IGF2BP3: variants seen among roughly 807,000 people sequenced by gnomAD.
The protein encoded by IGF2BP3 is insulin like growth factor 2 mRNA binding protein 3.
Under a neutral mutation model 73.8 loss-of-function variants are expected in IGF2BP3, and 9 were observed. That is an observed-to-expected ratio of 0.12 (90% CI 0.07 to 0.21). The LOEUF (loss-of-function observed/expected upper bound fraction) is 0.21, where lower values mean the gene tolerates loss of function less well. Ranked by LOEUF, IGF2BP3 falls within the 10% of genes least tolerant of loss-of-function variation. IGF2BP3 has a pLI of 1.00. For synonymous variants in IGF2BP3, 258 were observed against 256.7 expected, an observed-to-expected ratio of 1.01 and a Z score of -0.05; for missense variants, 542 against 714.0, an observed-to-expected ratio of 0.76 and a Z score of 2.75.
In IGF2BP3 at chr7:23,469,204, C is replaced by G. The variant is rs1327602361; in HGVS notation, c.176-662G>C. The G allele has an allele frequency of 6.6e-6, 1 of 152,534 alleles. No individual in the cohort carries two copies. The highest frequency in any genetic ancestry group is 1.5e-5 in the Non-Finnish European group (1 of 68,280). 9.4% of individuals were successfully genotyped at this position (152,534 alleles called of 1,614,324 possible). ...TTCCCCCTGGGCGTCCTGCTCCGCCCGGCACCGTCCCTCGCCCTGGCGGAG... is the reference window on the plus strand; with the variant it reads ...TTCCCCCTGGGCGTCCTGCTCCGCCGGGCACCGTCCCTCGCCCTGGCGGAG... On this transcript the variant is annotated intron_variant, in intron 1 of 14. Transcript: ENST00000258729. This position sits in a 1 kb window ranked among gnomAD's most constrained non-coding sequence, Gnocchi z 6.1.
intron 2 of IGF2BP3, among the ~76,000 whole-genome samples, chr7:23,465,569 A>G (rs1477539105): frequency 6.6e-6 from 1 of 152,118 alleles, no homozygotes; most frequent in African/African-American, 2.4e-5. Flanking sequence ...CAGCCTGCCA[A>G]GCCTCCAATC....
Position 23,455,639 on chromosome 7 carries a change from G to A in IGF2BP3, c.236+12843C>T, listed in dbSNP as rs144913622. 6.9e-3 allele frequency among the ~76,000 whole-genome samples: 1,045 copies of A among 152,282 alleles called. 9 individuals carry two copies. Among genetic ancestry groups the A allele is most frequent in the African/African-American group, 0.024 (1,007 of 41,544 alleles). ...AGACTGTCACCCAGGAAATCAGACAGAACAAAGTGAAAGCCACTGTACTCC... is the reference window on the plus strand; with the variant it reads ...AGACTGTCACCCAGGAAATCAGACAAAACAAAGTGAAAGCCACTGTACTCC... On this transcript the variant is annotated intron_variant, in intron 2 of 14. Transcript: ENST00000258729.
At chr7:23,336,713 C>T (rs575744074) in intron 10 of IGF2BP3, among the ~76,000 whole-genome samples, 3 of 152,120 alleles carry the variant, frequency 2.0e-5, no homozygotes, top group East Asian at 3.9e-4. Flanking sequence ...TTTGGGAGGC[C>T]GAGATGGGTG....
At chr7:23,449,371 G>T (rs1320988141) in intron 2 of IGF2BP3, among the ~76,000 whole-genome samples, 1 of 151,612 alleles carries the variant, frequency 6.6e-6, no homozygotes, top group East Asian at 2.0e-4. Context: ...CAAAAAATTA[G>T]CCGGGTGTGG....
chr7:23,437,715 G>T (rs1787838367), intron 2 of IGF2BP3, among the ~76,000 whole-genome samples: 1 of 152,004 alleles, frequency 6.6e-6, no homozygotes, highest in Non-Finnish European at 1.5e-5. Context: ...TGCCACAACT[G>T]CAATTTAACA....
chr7:23,418,305 C>A (rs754843142), intron 3 of IGF2BP3, among the ~76,000 whole-genome samples: 7 of 152,186 alleles, frequency 4.6e-5, no homozygotes, highest in African/African-American at 1.4e-4. Flanking sequence ...CTGACACAGG[C>A]TATTCAATTG....
chr7:23,450,456 T>G (rs867864411), intron 2 of IGF2BP3, among the ~76,000 whole-genome samples: 4 of 152,320 alleles, frequency 2.6e-5, no homozygotes, highest in Middle Eastern at 6.8e-3. Flanking sequence ...ATGACTAAAT[T>G]TGAGCTTTTA....
At chr7:23,383,320 T>C (rs190532710) in intron 3 of IGF2BP3, among the ~76,000 whole-genome samples, 1 of 152,118 alleles carries the variant, frequency 6.6e-6, no homozygotes, top group Non-Finnish European at 1.5e-5. Flanking sequence ...ATTGGAAAAA[T>C]GTCTACTCAG....
intron 3 of IGF2BP3, among the ~76,000 whole-genome samples, chr7:23,409,644 C>T (rs74720590): frequency 6.6e-6 from 1 of 152,082 alleles, no homozygotes; most frequent in Non-Finnish European, 1.5e-5. Flanking sequence ...GGAAAAGGAA[C>T]AATATTTTCA....
At chr7:23,447,297 A>T (rs150391695) in intron 2 of IGF2BP3, among the ~76,000 whole-genome samples, 1 of 151,942 alleles carries the variant, frequency 6.6e-6, no homozygotes, top group East Asian at 1.9e-4. Context: ...ACAAACAAAA[A>T]ACTAGCTTAT....
At position 23,312,363 on chromosome 7, in the gene IGF2BP3, T is replaced by C. The variant is rs370780598; in HGVS notation, c.1739A>G (p.Ter580=). 1.4e-5 allele frequency: 23 copies of C among 1,608,868 alleles called. No individual in the cohort carries two copies. Among genetic ancestry groups the C allele is most frequent in the Non-Finnish European group, 2.0e-5 (23 of 1,176,608 alleles). ...TGTGGTGGGCTGTTTCCTGAGCCTT[T>C]ACTTCCGTCTTGACTGAGGTGGTCC... ...QSGPPQSRRK[*] is the part of the protein sequence containing the mutation. Residue 580 remains the stop codon, a stop_retained_variant, in exon 15 of 15, where the codon TAA becomes TGA. Transcript: ENST00000258729.
At chr7:23,399,727 T>C (rs1362360910) in intron 3 of IGF2BP3, among the ~76,000 whole-genome samples, 1 of 152,196 alleles carries the variant, frequency 6.6e-6, no homozygotes, top group Non-Finnish European at 1.5e-5. Flanking sequence ...TGCTCTAAAA[T>C]AATACACCTC....
chr7:23,392,295 G>T (rs1229738742), intron 3 of IGF2BP3, among the ~76,000 whole-genome samples: 1 of 151,798 alleles, frequency 6.6e-6, no homozygotes, highest in Middle Eastern at 3.4e-3. Context: ...AATGAGAAAG[G>T]CAACACTTTC....
intron 10 of IGF2BP3, among the ~76,000 whole-genome samples, chr7:23,320,181 G>A (rs1254171513): frequency 6.6e-6 from 1 of 151,944 alleles, no homozygotes; most frequent in Non-Finnish European, 1.5e-5. Flanking sequence ...CAAAGTGCTG[G>A]GATTACAGGC....
chr7:23,371,660 T>C (rs932131479), intron 3 of IGF2BP3, among the ~76,000 whole-genome samples: 22 of 152,318 alleles, frequency 1.4e-4, no homozygotes, highest in African/African-American at 5.3e-4. Context: ...ATTAATAAGA[T>C]TGTAAACCAT....
intron 3 of IGF2BP3, among the ~76,000 whole-genome samples, chr7:23,407,325 AG>A (rs1354624040): frequency 6.6e-6 from 1 of 151,384 alleles, no homozygotes. Context: ...AAAAAAAAAA[AG>A]GGCTGGGTGT....
At chr7:23,317,484 C>T (rs527473935) in intron 12 of IGF2BP3, among the ~76,000 whole-genome samples, 155 bp downstream of exon 12, 9 of 152,238 alleles carry the variant, frequency 5.9e-5, no homozygotes, top group East Asian at 1.9e-4. Context: ...TGGTTAATTT[C>T]GAAATATAAT....
chr7:23,335,181 T>C (rs1310883558), intron 10 of IGF2BP3, among the ~76,000 whole-genome samples: 2 of 150,596 alleles, frequency 1.3e-5, no homozygotes, highest in South Asian at 2.1e-4. Flanking sequence ...TACTTAGAAA[T>C]TGTTTACCAA....
chr7:23,421,136 C>A (rs1051766545), intron 2 of IGF2BP3, among the ~76,000 whole-genome samples: 1 of 151,996 alleles, frequency 6.6e-6, no homozygotes, highest in Non-Finnish European at 1.5e-5. Context: ...CAGCCTCCTG[C>A]GTAGCTGGGA....
Sources: allele counts gnomAD v4.1 joint callset (sites outside exome capture counted in the v4.1 genomes callset), GRCh38; gene constraint gnomAD v4.1.1; non-coding constraint Gnocchi (gnomAD v3.1); transcripts MANE v1.5; gene names NCBI Gene and HGNC (gene_info 2026-07-23, HGNC 2026-07-21).